Variants in EYS observed in about 807,000 individuals in gnomAD.
EYS encodes protein eyes shut homolog.
In EYS, 250 loss-of-function variants were observed where a neutral mutation model predicts 282.1. That is an observed-to-expected ratio of 0.89 (90% CI 0.80 to 0.98). The LOEUF is 0.98. Among genes scored for constraint, EYS ranks in the 50% least tolerant of loss-of-function variants. The pLI, the probability that EYS is intolerant of heterozygous loss-of-function variation, is 0.00. For missense variants in EYS, 4,016 were observed against 3,709.0 expected, an observed-to-expected ratio of 1.08 and a Z score of -2.15; for synonymous variants, 1,355 against 1,282.9, an observed-to-expected ratio of 1.06 and a Z score of -1.20.
At chr6:65,621,765 T>G (rs889720921) in intron 2 of EYS, among the ~76,000 whole-genome samples, 1 of 152,144 alleles carries the variant, frequency 6.6e-6, no homozygotes, top group African/African-American at 2.4e-5. Flanking sequence ...ACAAAATCTC[T>G]CAGCATTTGC....
chr6:65,033,946 A>G (rs931881050), intron 13 of EYS, among the ~76,000 whole-genome samples: 3 of 152,208 alleles, frequency 2.0e-5, no homozygotes, highest in Admixed American at 6.5e-5. Context: ...GGTGCTGAAT[A>G]CTGCCAAGAC....
At chr6:64,503,530 T>A (rs1777119297) in intron 26 of EYS, among the ~76,000 whole-genome samples, 1 of 152,172 alleles carries the variant, frequency 6.6e-6, no homozygotes, top group Non-Finnish European at 1.5e-5. Context: ...TTCATGGGTT[T>A]ATAGGTAACT....
chr6:64,495,541 G>A (rs1201109501), intron 26 of EYS, among the ~76,000 whole-genome samples: 3 of 151,766 alleles, frequency 2.0e-5, no homozygotes. Context: ...AAAACTTAAT[G>A]AGAAATCGAG....
intron 12 of EYS, among the ~76,000 whole-genome samples, chr6:65,087,158 G>C (rs909833277): frequency 6.6e-6 from 1 of 151,958 alleles, no homozygotes; most frequent in South Asian, 2.1e-4. Flanking sequence ...ATAATATCCA[G>C]GTTAGGATGT....
intron 12 of EYS, among the ~76,000 whole-genome samples, chr6:65,167,008 C>T (rs376346173): frequency 6.6e-6 from 1 of 151,094 alleles, no homozygotes; most frequent in Non-Finnish European, 1.5e-5. Context: ...CCTTCACACC[C>T]ACTAGGATGA....
At chr6:64,536,066 C>A (rs1268283853) in intron 26 of EYS, among the ~76,000 whole-genome samples, 2 of 151,868 alleles carry the variant, frequency 1.3e-5, no homozygotes, top group Non-Finnish European at 1.5e-5. Flanking sequence ...CATATATCAA[C>A]TATATGTTAT....
chr6:64,277,171 C>G (rs1351393136), intron 30 of EYS, among the ~76,000 whole-genome samples: 3 of 152,086 alleles, frequency 2.0e-5, no homozygotes, highest in South Asian at 4.1e-4. Context: ...GAACAAAACA[C>G]AAACTCTCTC....
intron 7 of EYS, among the ~76,000 whole-genome samples, chr6:65,401,165 T>C (rs1487728994): frequency 6.6e-6 from 1 of 151,992 alleles, no homozygotes; most frequent in East Asian, 1.9e-4. Context: ...CACAGATAAA[T>C]CCTTAACATA....
At chr6:64,202,444 CA>C (rs1945212989) in intron 31 of EYS, among the ~76,000 whole-genome samples, 1 of 152,062 alleles carries the variant, frequency 6.6e-6, no homozygotes, top group African/African-American at 2.4e-5. Flanking sequence ...AAGCAAGAAA[CA>C]ATTATTTTTT....
chr6:64,383,470 G>T (rs1772815455), intron 29 of EYS, among the ~76,000 whole-genome samples: 1 of 152,236 alleles, frequency 6.6e-6, no homozygotes, highest in African/African-American at 2.4e-5. Flanking sequence ...ATAGACACCA[G>T]ATGCCCAAGT....
intron 16 of EYS, among the ~76,000 whole-genome samples, chr6:64,912,166 A>G (rs555920920): frequency 6.6e-6 from 1 of 152,052 alleles, no homozygotes; most frequent in Non-Finnish European, 1.5e-5. Context: ...TGTCATGAAC[A>G]CTACATGAAC....
At chr6:64,304,113 G>A (rs534432458) in intron 30 of EYS, among the ~76,000 whole-genome samples, 103 of 152,198 alleles carry the variant, frequency 6.8e-4, no homozygotes, top group South Asian at 1.0e-3. Context: ...CTAAATAAAC[G>A]TGAACTTCAC....
chr6:65,488,010 C>T (rs755639190), intron 5 of EYS, among the ~76,000 whole-genome samples: 15 of 152,044 alleles, frequency 9.9e-5, no homozygotes, highest in Non-Finnish European at 2.1e-4. Context: ...TCTGTGAGAT[C>T]GATGGTGATA....
At chr6:63,892,733 G>T (rs565521018) in intron 35 of EYS, among the ~76,000 whole-genome samples, 2 of 152,084 alleles carry the variant, frequency 1.3e-5, no homozygotes, top group Non-Finnish European at 2.9e-5. Context: ...GACAAATGGG[G>T]TCTAATTAAA....
intron 35 of EYS, among the ~76,000 whole-genome samples, chr6:63,972,162 G>A (rs948840003): frequency 2.6e-5 from 4 of 152,158 alleles, no homozygotes; most frequent in Non-Finnish European, 4.4e-5. Flanking sequence ...TTACTTCTAA[G>A]CAGAGTTGAA....
chr6:65,100,579 CAGAAA>C (rs1774867259), intron 12 of EYS, among the ~76,000 whole-genome samples: 1 of 150,662 alleles, frequency 6.6e-6, no homozygotes, highest in Admixed American at 6.6e-5. Flanking sequence ...GCTGTCTAAA[CAGAAA>C]AGAAAATATT....
intron 5 of EYS, among the ~76,000 whole-genome samples, chr6:65,426,081 C>A (rs1365588953): frequency 6.6e-6 from 1 of 152,028 alleles, no homozygotes; most frequent in African/African-American, 2.4e-5. Context: ...GCTAAGTGAT[C>A]CCACAGCCTC....
intron 31 of EYS, among the ~76,000 whole-genome samples, chr6:64,225,439 G>A (rs746924957): frequency 6.6e-6 from 1 of 152,044 alleles, no homozygotes; most frequent in Non-Finnish European, 1.5e-5. Flanking sequence ...GATTATCTCA[G>A]TGGGCCCTAT....
intron 31 of EYS, among the ~76,000 whole-genome samples, chr6:64,102,909 T>G (rs111975214): frequency 0.034 from 5,236 of 152,240 alleles, 262 homozygotes; most frequent in African/African-American, 0.11. Context: ...TTTTCATGAC[T>G]TCAAATATCT....
Sources: gnomAD v4.1 joint callset for allele counts (sites outside exome capture counted in the v4.1 genomes callset) on GRCh38, gnomAD v4.1.1 for gene constraint, MANE v1.5 for transcripts, NCBI Gene and HGNC (gene_info 2026-07-23, HGNC 2026-07-21) for gene names.